PPP2R2A: variants seen among roughly 807,000 people sequenced by gnomAD.
PPP2R2A encodes the protein protein phosphatase 2 regulatory subunit Balpha.
Under a neutral mutation model 53.2 loss-of-function variants are expected in PPP2R2A, and 9 were observed. The ratio of observed to expected loss-of-function variants is 0.17; its 90% CI spans 0.10 to 0.30. The LOEUF (loss-of-function observed/expected upper bound fraction) is 0.30. PPP2R2A is among the 10% of genes least tolerant of loss of function. The pLI, the probability that PPP2R2A is intolerant of heterozygous loss-of-function variation, is 1.00. For synonymous variants in PPP2R2A, 169 were observed against 174.2 expected (o/e 0.97, Z 0.23); for missense variants, 235 against 534.6 (o/e 0.44, Z 5.53).
At chr8:26,349,228 G>GT (rs144757730) in intron 3 of PPP2R2A, among the ~76,000 whole-genome samples, 12,247 of 151,680 alleles carry the variant, frequency 0.081, 661 homozygotes, top group Non-Finnish European at 0.11. Flanking sequence ...GTTTTGGTGG[G>GT]TGGGTAGATG....
chr8:26,333,451 A>G (rs1333905658), intron 2 of PPP2R2A: 15 of 1,067,968 alleles, frequency 1.4e-5, no homozygotes, highest in Non-Finnish European at 1.9e-5. Context: ...TAATACAGTT[A>G]TAACCCTCTT....
intron 2 of PPP2R2A, among the ~76,000 whole-genome samples, chr8:26,309,730 T>C (rs1258658870): frequency 1.3e-5 from 2 of 152,136 alleles, no homozygotes; most frequent in Non-Finnish European, 2.9e-5. Flanking sequence ...ATTTCAGTAT[T>C]GTGTCTCCAG....
intron 9 of PPP2R2A, among the ~76,000 whole-genome samples, chr8:26,367,563 T>C (rs1430536733): frequency 6.6e-6 from 1 of 152,270 alleles, no homozygotes; most frequent in Non-Finnish European, 1.5e-5. Context: ...CGCTGTTTGC[T>C]GTATCACGTG....
chr8:26,330,583 G>GT (rs1803320301), intron 2 of PPP2R2A, among the ~76,000 whole-genome samples: 1 of 152,126 alleles, frequency 6.6e-6, no homozygotes, highest in Non-Finnish European at 1.5e-5. Context: ...ACCCGCCTCA[G>GT]TGCTGGGATT....
chr8:26,309,191 T>G (rs1802161916), intron 2 of PPP2R2A, among the ~76,000 whole-genome samples: 1 of 152,250 alleles, frequency 6.6e-6, no homozygotes, highest in Admixed American at 6.5e-5. Flanking sequence ...AACAATTGTC[T>G]TGTAAGTCAG....
At chr8:26,336,179 T>C (rs1803647126) in intron 2 of PPP2R2A, among the ~76,000 whole-genome samples, 1 of 152,134 alleles carries the variant, frequency 6.6e-6, no homozygotes, top group South Asian at 2.1e-4. Context: ...ATCCCAGCAC[T>C]TTGGGAGGTC....
At chr8:26,351,137 G>A (rs1804480970) in intron 3 of PPP2R2A, among the ~76,000 whole-genome samples, 1 of 151,622 alleles carries the variant, frequency 6.6e-6, no homozygotes, top group Non-Finnish European at 1.5e-5. Context: ...TTTTTCTTAG[G>A]GTTACTGGTT....
At chr8:26,327,940 C>T (rs192201479) in intron 2 of PPP2R2A, among the ~76,000 whole-genome samples, 15 of 152,220 alleles carry the variant, frequency 9.9e-5, no homozygotes, top group Admixed American at 3.3e-4. Flanking sequence ...TGTTTTGTGC[C>T]GGAATGTTTC....
intron 2 of PPP2R2A, among the ~76,000 whole-genome samples, chr8:26,336,328 C>T (rs1244326997): frequency 6.6e-6 from 1 of 151,952 alleles, no homozygotes; most frequent in Admixed American, 6.6e-5. Flanking sequence ...ACTTGGGGAG[C>T]TGATATGGGA....
At chr8:26,337,728 T>C (rs1478463233) in intron 2 of PPP2R2A, among the ~76,000 whole-genome samples, 1 of 152,242 alleles carries the variant, frequency 6.6e-6, no homozygotes, top group African/African-American at 2.4e-5. Flanking sequence ...CAGTCTGAGA[T>C]AATATGCACA....
chr8:26,295,627 T>C (rs919224916), intron 2 of PPP2R2A, among the ~76,000 whole-genome samples: 6 of 152,228 alleles, frequency 3.9e-5, no homozygotes, highest in Non-Finnish European at 7.3e-5. Context: ...TAATTTTCTT[T>C]AGAGGTTGTT....
chr8:26,333,923 G>A (rs1183967212), intron 2 of PPP2R2A, among the ~76,000 whole-genome samples: 4 of 152,124 alleles, frequency 2.6e-5, no homozygotes, highest in Admixed American at 1.3e-4. Context: ...GGTGGAAAAA[G>A]TAAGAATTTC....
At chr8:26,337,946 G>A (rs1585376912) in intron 2 of PPP2R2A, among the ~76,000 whole-genome samples, 2 of 152,316 alleles carry the variant, frequency 1.3e-5, no homozygotes, top group East Asian at 3.9e-4. Flanking sequence ...ATACATGTCA[G>A]TAAATTTAAA....
Position 26,370,573 on chromosome 8 carries a change from T to G in PPP2R2A, c.*160T>G. On this transcript the variant is annotated 3_prime_UTR_variant, in exon 10 of 10. Coordinates refer to ENST00000380737, the MANE Select transcript of PPP2R2A (RefSeq NM_002717.4). This position sits in a 1 kb window ranked among gnomAD's most constrained non-coding sequence, Gnocchi z 6.1. The stretch of plus-strand genomic sequence containing the variant: ...ATTGTTATAGCTACATGGAGAAAGC[T>G]CTGTGGATTCATCACTGTGGTGTTC... 1.2e-6 allele frequency: 1 copy of G among 806,696 alleles called. No individual in the cohort carries two copies. The highest frequency in any genetic ancestry group is 1.8e-5 in the South Asian group (1 of 55,242). The allele number at this position is 806,696 out of a possible 1,614,324, so 50.0% of individuals were successfully genotyped here. A position where few individuals can be genotyped will look rare whatever the true frequency, so the allele number is the denominator to read the frequency against.
Position 26,362,015 on chromosome 8 carries a change from A to G in PPP2R2A, c.638-669A>G, listed in dbSNP as rs1283472970. ...TATTATATTAATTGATATTAAGATT[A>G]GATTAAGATTAGATTAAGATTAATC... is the stretch of plus-strand genomic sequence containing the variant. On this transcript the variant is annotated intron_variant, in intron 6 of 9. Coordinates refer to ENST00000380737, the MANE Select transcript of PPP2R2A (RefSeq NM_002717.4). The surrounding 1 kb of genome is among the most constrained non-coding windows in gnomAD (Gnocchi z 4.4). Among the ~76,000 whole-genome samples the G allele has an allele frequency of 7.9e-6, 1 of 125,938 alleles. No individual in the cohort carries two copies. The highest frequency in any genetic ancestry group is 1.7e-5 in the Non-Finnish European group (1 of 58,130). 82.6% of individuals were successfully genotyped at this position (125,938 alleles called of 152,430 possible). A position where few individuals can be genotyped will look rare whatever the true frequency, so the allele number is the denominator to read the frequency against.
At position 26,292,242 on chromosome 8, in the gene PPP2R2A, C is replaced by T. The variant is rs1801334478; in HGVS notation, c.7+416C>T. 7 of 1,039,106 alleles carry T rather than the reference C, an allele frequency of 6.7e-6. No individual in the cohort carries two copies. The South Asian group carries it at 1.4e-4, about 21-fold the overall frequency. 64.4% of individuals were successfully genotyped at this position (1,039,106 alleles called of 1,614,324 possible). ...TTCTATTTTTCCCCCTGCTGCAAGC[C>T]TTCTTGGGTGTATATACACATTTAT... is the stretch of plus-strand genomic sequence containing the variant. On this transcript the variant is annotated intron_variant, in intron 1 of 9. Coordinates refer to ENST00000380737, the MANE Select transcript of PPP2R2A (RefSeq NM_002717.4).
At chr8:26,314,274 G>GT (rs2117244018) in intron 2 of PPP2R2A, among the ~76,000 whole-genome samples, 1 of 152,306 alleles carries the variant, frequency 6.6e-6, no homozygotes, top group Admixed American at 6.5e-5. Flanking sequence ...ATCAGATGTT[G>GT]TATCAGTTTT....
At chr8:26,297,349 C>A (rs1023790370) in intron 2 of PPP2R2A, among the ~76,000 whole-genome samples, 4 of 152,140 alleles carry the variant, frequency 2.6e-5, no homozygotes, top group Non-Finnish European at 1.5e-5. Context: ...CTCAAGTGAT[C>A]CACCTGCCTC....
intron 2 of PPP2R2A, among the ~76,000 whole-genome samples, chr8:26,333,100 G>A (rs1226602603): frequency 1.8e-4 from 27 of 152,216 alleles, no homozygotes; most frequent in Admixed American, 1.8e-3. Context: ...ACATCTGTAT[G>A]TGCTTTGGCA....
Sources: allele counts gnomAD v4.1 joint callset (sites outside exome capture counted in the v4.1 genomes callset), GRCh38; gene constraint gnomAD v4.1.1; non-coding constraint Gnocchi (gnomAD v3.1); transcripts MANE v1.5; gene names NCBI Gene and HGNC (gene_info 2026-07-23, HGNC 2026-07-21).